KCNH7: variants seen among roughly 807,000 people sequenced by gnomAD.
The protein encoded by KCNH7 is voltage-gated inwardly rectifying potassium channel KCNH7.
A neutral mutation model predicts 120.8 loss-of-function variants in KCNH7; 49 were observed. The observed-to-expected ratio is 0.41, with a 90% CI of 0.32 to 0.51. KCNH7 has a LOEUF of 0.51. Ranked by LOEUF, KCNH7 falls within the 20% of genes least tolerant of loss-of-function variation. The probability of loss-of-function intolerance (pLI) is 0.38; values close to 1 mark genes in which losing one functional copy is unlikely to be tolerated. For missense variants in KCNH7, 1,097 were observed against 1,446.6 expected (o/e 0.76, Z 3.92); for synonymous variants, 547 against 516.1 (o/e 1.06, Z -0.81).
chr2:162,662,156 G>A (rs541041357), intron 2 of KCNH7, among the ~76,000 whole-genome samples: 4 of 152,028 alleles, frequency 2.6e-5, no homozygotes, highest in East Asian at 1.9e-4. Flanking sequence ...CCAGCTACTC[G>A]GGAGGCTGAG....
At chr2:162,550,120 G>C (rs1692618986) in intron 2 of KCNH7, among the ~76,000 whole-genome samples, 1 of 152,116 alleles carries the variant, frequency 6.6e-6, no homozygotes, top group South Asian at 2.1e-4. Context: ...TGGAATGCTT[G>C]GCAAAATATA....
chr2:162,739,589 C>A (rs1376867687), intron 2 of KCNH7, among the ~76,000 whole-genome samples: 2 of 152,116 alleles, frequency 1.3e-5, no homozygotes, highest in Admixed American at 6.5e-5. Flanking sequence ...ATCAGGTGAA[C>A]CTCCCCAGGA....
chr2:162,380,106 A>G, intron 13 of KCNH7, 85 bp from the exon 14 acceptor site: 1 of 1,491,530 alleles, frequency 6.7e-7, no homozygotes, highest in Non-Finnish European at 9.2e-7. Context: ...GACAAGCTGG[A>G]AAGGATCGGA....
rs1685944684 is a variant in KCNH7 at position 162,371,495 on chromosome 2, G to A, written c.*334C>T. The A allele has an allele frequency of 8.1e-6, 10 of 1,242,206 alleles. No homozygotes were observed. The Admixed American group carries it at 8.1e-5, about 10-fold the overall frequency. The allele number at this position is 1,242,206 out of a possible 1,614,324, so 76.9% of individuals were successfully genotyped here. Reference sequence around the variant, plus strand: ...TTTGCGTGGAAGGCATTTTCATAACGAAGTACTGGTTTAGTAAAAGCAGTA... The same window carrying A: ...TTTGCGTGGAAGGCATTTTCATAACAAAGTACTGGTTTAGTAAAAGCAGTA... On this transcript the variant is annotated 3_prime_UTR_variant, in exon 16 of 16. Transcript: ENST00000332142.
At chr2:162,440,585 C>A (rs1327502574) in intron 7 of KCNH7, among the ~76,000 whole-genome samples, 1 of 151,924 alleles carries the variant, frequency 6.6e-6, no homozygotes, top group African/African-American at 2.4e-5. Context: ...TTTACTAATA[C>A]AATCAAAGAA....
At chr2:162,532,069 T>C (rs1360782299) in intron 3 of KCNH7, among the ~76,000 whole-genome samples, 1 of 151,804 alleles carries the variant, frequency 6.6e-6, no homozygotes, top group Non-Finnish European at 1.5e-5. Flanking sequence ...ATATAAACCT[T>C]GGAGATTTAA....
At chr2:162,486,862 A>G (rs1690114525) in intron 6 of KCNH7, among the ~76,000 whole-genome samples, 1 of 152,220 alleles carries the variant, frequency 6.6e-6, no homozygotes, top group Admixed American at 6.6e-5. Context: ...TCAATGTTTT[A>G]TAGACTTATT....
chr2:162,409,303 T>C (rs1687319308), intron 9 of KCNH7, among the ~76,000 whole-genome samples: 1 of 151,862 alleles, frequency 6.6e-6, no homozygotes, highest in African/African-American at 2.4e-5. Flanking sequence ...TATGTGGAAT[T>C]GTGGAACTGT....
chr2:162,773,722 C>A (rs1320231573), intron 2 of KCNH7, among the ~76,000 whole-genome samples: 1 of 152,102 alleles, frequency 6.6e-6, no homozygotes, highest in South Asian at 2.1e-4. Flanking sequence ...TAGCTGGCAT[C>A]AAACTTTAGC....
chr2:162,732,813 T>C (rs1687775049), intron 2 of KCNH7, among the ~76,000 whole-genome samples: 1 of 152,226 alleles, frequency 6.6e-6, no homozygotes, highest in African/African-American at 2.4e-5. Flanking sequence ...TGTAAGCTGC[T>C]GATTCAGGAA....
chr2:162,524,334 A>G (rs955859688), intron 3 of KCNH7, among the ~76,000 whole-genome samples: 20 of 152,104 alleles, frequency 1.3e-4, no homozygotes, highest in African/African-American at 4.6e-4. Context: ...ACCACGGCAA[A>G]GGCCATAATG....
At chr2:162,640,535 C>T (rs966443299) in intron 2 of KCNH7, among the ~76,000 whole-genome samples, 1 of 151,846 alleles carries the variant, frequency 6.6e-6, no homozygotes, top group African/African-American at 2.4e-5. Flanking sequence ...AGTCTCAAAC[C>T]TTGTGCAAAA....
intron 2 of KCNH7, among the ~76,000 whole-genome samples, chr2:162,772,857 G>A (rs573967364): frequency 6.6e-5 from 10 of 152,182 alleles, no homozygotes; most frequent in South Asian, 4.1e-4. Flanking sequence ...CTTATACAGC[G>A]GAGGAAATAG....
chr2:162,508,738 G>C (rs1307178947), intron 5 of KCNH7, among the ~76,000 whole-genome samples: 1 of 151,524 alleles, frequency 6.6e-6, no homozygotes, highest in Non-Finnish European at 1.5e-5. Context: ...TACCTCCTAA[G>C]TCTATATTCA....
rs140957836 is a variant in KCNH7, at chr2:162,627,066, T to C, written c.308-89986A>G. 3.3e-4 allele frequency among the ~76,000 whole-genome samples: 50 copies of C among 152,338 alleles called. No homozygotes were observed. In the East Asian group the frequency reaches 7.5e-3, roughly 23 times the overall value. Reference sequence around the variant, plus strand: ...AGTGAATTCCCTTGTAGTCTTAAGATAGGCTTTTCTGCCATGTGGATTACA... The same window carrying C: ...AGTGAATTCCCTTGTAGTCTTAAGACAGGCTTTTCTGCCATGTGGATTACA... On this transcript the variant is annotated intron_variant, in intron 2 of 15. Coordinates refer to ENST00000332142, the MANE Select transcript of KCNH7 (RefSeq NM_033272.4).
chr2:162,485,504 C>G (rs1690064131), intron 6 of KCNH7, among the ~76,000 whole-genome samples: 1 of 152,050 alleles, frequency 6.6e-6, no homozygotes, highest in Non-Finnish European at 1.5e-5. Flanking sequence ...CTTGCAGTGT[C>G]CAGTTGCTAA....
chr2:162,490,306 G>A (rs1329109202), intron 6 of KCNH7, among the ~76,000 whole-genome samples: 1 of 152,178 alleles, frequency 6.6e-6, no homozygotes, highest in African/African-American at 2.4e-5. Context: ...CATCAGCTTA[G>A]ATATATAGAA....
chr2:162,442,318 G>T lies in KCNH7; in HGVS notation c.1554+3700C>A, dbSNP rs117908602. On this transcript the variant is annotated intron_variant, in intron 7 of 15. Coordinates refer to ENST00000332142, the MANE Select transcript of KCNH7 (RefSeq NM_033272.4). ...TGGGATTACAGGCGTGAGCCACTGC[G>T]CCCGGCCGTGACATGTCTTCTTTAG... Among the ~76,000 whole-genome samples, 1,337 of 151,762 alleles carry T rather than the reference G, an allele frequency of 8.8e-3. 136 individuals are homozygous for T. The East Asian group carries it at 0.21, about 24-fold the overall frequency.
At chr2:162,724,760 A>C (rs1194652175) in intron 2 of KCNH7, among the ~76,000 whole-genome samples, 1 of 152,146 alleles carries the variant, frequency 6.6e-6, no homozygotes, top group Non-Finnish European at 1.5e-5. Flanking sequence ...GTACTGTACT[A>C]TACCCACCTA....
Sources: allele counts gnomAD v4.1 joint callset (sites outside exome capture counted in the v4.1 genomes callset), GRCh38; gene constraint gnomAD v4.1.1; transcripts MANE v1.5; gene names NCBI Gene and HGNC (gene_info 2026-07-23, HGNC 2026-07-21).